Variants in FERMT2 observed in about 807,000 individuals in gnomAD.
FERMT2 encodes the protein fermitin family homolog 2.
A neutral mutation model predicts 82.7 loss-of-function variants in FERMT2; 15 were observed. The ratio of observed to expected loss-of-function variants is 0.18; its 90% CI spans 0.12 to 0.28. The LOEUF (loss-of-function observed/expected upper bound fraction) is 0.28, where lower values mean the gene tolerates loss of function less well. FERMT2 is among the 10% of genes least tolerant of loss of function. The pLI, the probability that FERMT2 is intolerant of heterozygous loss-of-function variation, is 1.00. For missense variants in FERMT2, 645 were observed against 809.4 expected (o/e 0.80, Z 2.46); for synonymous variants, 274 against 271.5 (o/e 1.01, Z -0.09).
intron 2 of FERMT2, among the ~76,000 whole-genome samples, chr14:52,937,503 G>A (rs144506348): frequency 6.6e-6 from 1 of 152,094 alleles, no homozygotes; most frequent in East Asian, 1.9e-4. Context: ...TATTACTCAC[G>A]ACTCTAAACC....
At chr14:52,930,585 C>G (rs1475288487) in intron 2 of FERMT2, among the ~76,000 whole-genome samples, 1 of 152,156 alleles carries the variant, frequency 6.6e-6, no homozygotes, top group Non-Finnish European at 1.5e-5. Flanking sequence ...TGAGGAATAT[C>G]AAATTGTAGG....
intron 9 of FERMT2, 37 bp downstream of exon 9, chr14:52,874,138 CAG>C: frequency 7.5e-7 from 1 of 1,330,520 alleles, no homozygotes; most frequent in African/African-American, 1.5e-5. Context: ...ATAAAGCTGA[CAG>C]TTATTAATAT....
At chr14:52,908,989 T>C (rs1888163900) in intron 3 of FERMT2, among the ~76,000 whole-genome samples, 1 of 152,114 alleles carries the variant, frequency 6.6e-6, no homozygotes. Flanking sequence ...ATAAGGAAAC[T>C]GGAAAAGTCA....
At chr14:52,937,438 C>G (rs1298327689) in intron 2 of FERMT2, among the ~76,000 whole-genome samples, 1 of 152,150 alleles carries the variant, frequency 6.6e-6, no homozygotes, top group African/African-American at 2.4e-5. Context: ...AATCCCCAAC[C>G]TGGAATGCCT....
At chr14:52,886,800 T>C (rs1008049106) in intron 4 of FERMT2, among the ~76,000 whole-genome samples, 4 of 152,226 alleles carry the variant, frequency 2.6e-5, no homozygotes, top group African/African-American at 7.2e-5. Context: ...TTATATGTAG[T>C]AATCAAGAAA....
intron 4 of FERMT2, 31 bp downstream of exon 4, chr14:52,893,262 C>A (rs1356368073): frequency 6.4e-7 from 1 of 1,571,790 alleles, no homozygotes; most frequent in African/African-American, 1.4e-5. Flanking sequence ...ACAGTTCTTA[C>A]TTTGAGTCCA....
Position 52,864,758 on chromosome 14 carries a change from G to A in FERMT2, c.1369C>T (p.Arg457Cys), listed in dbSNP as rs749389888. The change falls in exon 11 of 15, where the codon CGT (arginine) becomes TGT (cysteine). Residue 457 changes from arginine to cysteine, a missense_variant. Arg to Cys is a radical substitution (Grantham distance 180). Coordinates refer to ENST00000341590, the MANE Select transcript of FERMT2 (RefSeq NM_006832.3). ...VAEGMNEIWL[R>C]CDNEKQYAHW... ...ACTGGAAAACTTACATTGTCACAAC[G>A]AAGCCAGATTTCATTCATGCCTTCT... 5.0e-6 allele frequency: 8 copies of A among 1,610,674 alleles called. No individual in the cohort carries two copies. The highest frequency in any genetic ancestry group is 3.3e-5 in the Admixed American group (2 of 59,760).
At chr14:52,944,681 A>G (rs1291015322) in intron 2 of FERMT2, among the ~76,000 whole-genome samples, 1 of 152,250 alleles carries the variant, frequency 6.6e-6, no homozygotes, top group Non-Finnish European at 1.5e-5. Flanking sequence ...AACGTATACC[A>G]TACTTAATGA....
rs531882362 is a variant in FERMT2 at position 52,902,592 on chromosome 14, GAC to G, written c.392-9167_392-9166del. 1.5e-4 allele frequency among the ~76,000 whole-genome samples: 23 copies of G among 151,592 alleles called. No individual in the cohort carries two copies. The South Asian group carries it at 4.4e-3, about 29-fold the overall frequency. ...AATATAAAACACTGAAAACTGGCCA[GAC>G]ACAGTGTCTCATGCCTGTAATCCCA... is the stretch of plus-strand genomic sequence containing the variant. On this transcript the variant is annotated intron_variant, in intron 3 of 14. Transcript: ENST00000341590.
In FERMT2 at chr14:52,874,187, T is replaced by C. The variant is rs764477726; in HGVS notation, c.1138A>G (p.Lys380Glu). The change falls in exon 9 of 15, where the codon AAA becomes GAA. Residue 380 changes from lysine to glutamate, a missense_variant. By Grantham distance (56) the Lys-to-Glu change is moderately conservative. Transcript: ENST00000341590. The stretch of plus-strand genomic sequence containing the variant: ...CCTTTTTGTACTTACTTGAAAACTT[T>C]AATGTAGTCAGCAAGTTCAGGAATG... ...TSIPELADYIKVFKPKKLTLK... is the reference protein window; with the variant it reads ...TSIPELADYIEVFKPKKLTLK... 1 of 1,597,076 alleles carries C rather than the reference T, an allele frequency of 6.3e-7. No individual in the cohort carries two copies. The highest frequency in any genetic ancestry group is 1.1e-5 in the South Asian group (1 of 87,872).
intron 12 of FERMT2, chr14:52,861,356 C>T (rs963177367): frequency 1.6e-5 from 5 of 303,318 alleles, no homozygotes; most frequent in Non-Finnish European, 2.4e-5. Context: ...TTTCTTTCCC[C>T]CTACATCGTG....
intron 2 of FERMT2, among the ~76,000 whole-genome samples, chr14:52,929,565 C>T (rs1889468443): frequency 6.6e-6 from 1 of 152,214 alleles, no homozygotes; most frequent in African/African-American, 2.4e-5. Context: ...TTGCTCCAGC[C>T]ACACTGGCCT....
chr14:52,950,570 G>T lies in FERMT2; in HGVS notation c.-2C>A. The T allele has an allele frequency of 6.2e-7, 1 of 1,611,708 alleles. No individual in the cohort carries two copies. Among genetic ancestry groups the T allele is most frequent in the Non-Finnish European group, 8.5e-7 (1 of 1,178,988 alleles). On this transcript the variant is annotated 5_prime_UTR_variant, in exon 2 of 15. Transcript: ENST00000341590. The stretch of plus-strand genomic sequence containing the variant: ...CATCCTTATCCCGTCCAGAGCCATG[G>T]CTCCTTCCTGCGAGCGCGGAGGAAA...
rs1207666569 is a variant in FERMT2, at chr14:52,950,535, A to G, written c.34T>C (p.Cys12Arg). 1 of 1,614,150 alleles carries G rather than the reference A, an allele frequency of 6.2e-7. No homozygotes were observed. The highest frequency in any genetic ancestry group is 1.1e-5 in the South Asian group (1 of 91,080). Residue 12 changes from cysteine to arginine, a missense_variant, in exon 2 of 15, where the codon TGC (cysteine) becomes CGC (arginine). Cys to Arg is a radical substitution (Grantham distance 180). Transcript: ENST00000341590. Reference sequence around the variant, plus strand: ...AGTTCCCACGTCCCGTCCGCGTAGCAGCCATCTGGCATCCTTATCCCGTCC... The same window carrying G: ...AGTTCCCACGTCCCGTCCGCGTAGCGGCCATCTGGCATCCTTATCCCGTCC... ...ALDGIRMPDG[C>R]YADGTWELSV...
At chr14:52,885,178 T>C (rs1341150079) in intron 4 of FERMT2, among the ~76,000 whole-genome samples, 1 of 151,470 alleles carries the variant, frequency 6.6e-6, no homozygotes, top group Non-Finnish European at 1.5e-5. Flanking sequence ...CCAGGCATGG[T>C]GGCATGCTCC....
At position 52,920,092 on chromosome 14, in the gene FERMT2, TAAAGA is replaced by T. The variant is rs1180579141; in HGVS notation, c.158-741_158-737del. Reference sequence around the variant, plus strand: ...CCTTATGCAACTAAATGAAACCAAATAAAGAAAAGAATGTAATTTACACAAGATTT... The same window carrying T: ...CCTTATGCAACTAAATGAAACCAAATAAAGAATGTAATTTACACAAGATTT... On this transcript the variant is annotated intron_variant, in intron 2 of 14. Coordinates refer to ENST00000341590, the MANE Select transcript of FERMT2 (RefSeq NM_006832.3). Among the ~76,000 whole-genome samples the T allele has an allele frequency of 6.6e-5, 10 of 152,114 alleles. No individual in the cohort carries two copies. In the East Asian group the frequency reaches 1.5e-3, roughly 23 times the overall value.
At chr14:52,939,373 CAA>C (rs35130630) in intron 2 of FERMT2, among the ~76,000 whole-genome samples, 4 of 93,234 alleles carry the variant, frequency 4.3e-5, no homozygotes, top group East Asian at 2.6e-4. Flanking sequence ...ACTACGGTCT[CAA>C]AAAAAAAAAA....
chr14:52,878,896 C>T (rs1886132212), intron 6 of FERMT2, among the ~76,000 whole-genome samples: 1 of 152,050 alleles, frequency 6.6e-6, no homozygotes, highest in Admixed American at 6.6e-5. Context: ...ATCTAATTTT[C>T]CATTAAAAAT....
intron 3 of FERMT2, among the ~76,000 whole-genome samples, chr14:52,913,158 C>T (rs1411169778): frequency 2.0e-5 from 3 of 152,054 alleles, no homozygotes; most frequent in African/African-American, 7.2e-5. Flanking sequence ...AAATATCACC[C>T]CGAGATAACC....
Sources: allele counts gnomAD v4.1 joint callset (sites outside exome capture counted in the v4.1 genomes callset), GRCh38; gene constraint gnomAD v4.1.1; transcripts MANE v1.5; gene names NCBI Gene and HGNC (gene_info 2026-07-23, HGNC 2026-07-21).